TENM3: variants seen among roughly 807,000 people sequenced by gnomAD.
The protein encoded by TENM3 is teneurin-3.
In TENM3, 63 loss-of-function variants were observed where a neutral mutation model predicts 255.1. The ratio of observed to expected loss-of-function variants is 0.25; its 90% confidence interval spans 0.20 to 0.30. TENM3 has a LOEUF of 0.30. TENM3 is among the 10% of genes least tolerant of loss of function. The pLI is 1.00. For missense variants in TENM3, 2,929 were observed against 3,461.1 expected (o/e 0.85, Z 3.86); for synonymous variants, 1,306 against 1,322.3 (o/e 0.99, Z 0.27).
At chr4:182,733,975 G>A (rs771009360) in intron 16 of TENM3, among the ~76,000 whole-genome samples, 53 of 152,116 alleles carry the variant, frequency 3.5e-4, no homozygotes, top group African/African-American at 1.2e-3. Flanking sequence ...TTCTCCATTC[G>A]TTCATTCATT....
the TENM3 span, among the ~76,000 whole-genome samples, chr4:181,655,865 A>G: frequency 6.6e-6 from 1 of 152,224 alleles, no homozygotes; most frequent in Non-Finnish European, 1.5e-5. Context: ...ACTATTAGGG[A>G]CAGATTAGTC....
At chr4:181,783,173 C>G in the TENM3 span, among the ~76,000 whole-genome samples, 1 of 151,994 alleles carries the variant, frequency 6.6e-6, no homozygotes. Flanking sequence ...TCCTGGATAT[C>G]CTTGTTAAGT....
chr4:181,715,401 C>T, the TENM3 span, among the ~76,000 whole-genome samples: 3 of 152,128 alleles, frequency 2.0e-5, no homozygotes, highest in African/African-American at 4.8e-5. Context: ...GGGATACATT[C>T]CTCAAACTGG....
chr4:182,315,295 T>G (rs1289605835), intron 1 of TENM3, among the ~76,000 whole-genome samples: 1 of 152,228 alleles, frequency 6.6e-6, no homozygotes, highest in Admixed American at 6.5e-5. Context: ...AGGGCTTCCT[T>G]TACATTTTTT....
chr4:182,277,940 G>T (rs531661904), intron 1 of TENM3, among the ~76,000 whole-genome samples: 3 of 152,172 alleles, frequency 2.0e-5, no homozygotes, highest in Non-Finnish European at 4.4e-5. Flanking sequence ...GTTAGCTGGT[G>T]GGACCCACTC....
chr4:182,114,864 T>A, the TENM3 span, among the ~76,000 whole-genome samples: 1 of 152,130 alleles, frequency 6.6e-6, no homozygotes, highest in East Asian at 1.9e-4. Flanking sequence ...TTTTATTTTT[T>A]AAAATAGGGA....
At chr4:182,634,599 A>G (rs570326864) in intron 5 of TENM3, among the ~76,000 whole-genome samples, 2 of 151,994 alleles carry the variant, frequency 1.3e-5, no homozygotes, top group African/African-American at 4.8e-5. Flanking sequence ...TCTAACCACA[A>G]ATGTTAGGTT....
At chr4:182,297,829 C>T (rs1241593686) in intron 1 of TENM3, among the ~76,000 whole-genome samples, 1 of 152,208 alleles carries the variant, frequency 6.6e-6, no homozygotes, top group Non-Finnish European at 1.5e-5. Context: ...TCCTCTGTCC[C>T]AGGCCTGGGC....
the TENM3 span, among the ~76,000 whole-genome samples, chr4:181,910,084 A>G: frequency 6.6e-6 from 1 of 152,232 alleles, no homozygotes; most frequent in Non-Finnish European, 1.5e-5. Flanking sequence ...CATGTGTAAC[A>G]TAAAGTAATG....
chr4:182,004,881 T>C, the TENM3 span, among the ~76,000 whole-genome samples: 1 of 152,236 alleles, frequency 6.6e-6, no homozygotes, highest in Non-Finnish European at 1.5e-5. Flanking sequence ...TTTTGAGAAG[T>C]GTCTCTTCAT....
At chr4:181,448,195 C>T in the TENM3 span, among the ~76,000 whole-genome samples, 2 of 104,846 alleles carry the variant, frequency 1.9e-5, no homozygotes, top group Admixed American at 2.6e-4. Context: ...GAGACGGAGT[C>T]TCGCTCTGTC....
chr4:181,895,149 A>G, the TENM3 span, among the ~76,000 whole-genome samples: 1 of 152,172 alleles, frequency 6.6e-6, no homozygotes, highest in Non-Finnish European at 1.5e-5. Flanking sequence ...ACATTAACAT[A>G]CGCTGTTAAA....
the TENM3 span, among the ~76,000 whole-genome samples, chr4:181,936,229 TA>T: frequency 6.6e-6 from 1 of 151,918 alleles, no homozygotes; most frequent in Non-Finnish European, 1.5e-5. Flanking sequence ...CCGTCTCTAC[TA>T]AAAATACAAA....
the TENM3 span, among the ~76,000 whole-genome samples, chr4:181,471,589 A>G: frequency 6.6e-6 from 1 of 152,268 alleles, no homozygotes; most frequent in Non-Finnish European, 1.5e-5. Context: ...CAAGTCTTGG[A>G]TGCTCCTTTT....
At chr4:181,777,931 A>T in the TENM3 span, among the ~76,000 whole-genome samples, 5 of 152,088 alleles carry the variant, frequency 3.3e-5, no homozygotes, top group Non-Finnish European at 7.3e-5. Context: ...AAATACAGCT[A>T]GTTTGAGACA....
intron 3 of TENM3, among the ~76,000 whole-genome samples, chr4:182,564,872 G>A (rs2151988475): frequency 6.6e-6 from 1 of 152,220 alleles, no homozygotes; most frequent in Admixed American, 6.5e-5. Context: ...AAATATACAA[G>A]TTTATTCCCC....
chr4:181,833,889 C>T, the TENM3 span, among the ~76,000 whole-genome samples: 2 of 152,168 alleles, frequency 1.3e-5, 1 homozygote, highest in African/African-American at 4.8e-5. Context: ...TGGTTCCTAA[C>T]ACAGCACCTG....
At chr4:182,747,680 G>A (rs1042885155) in intron 19 of TENM3, among the ~76,000 whole-genome samples, 1 of 152,160 alleles carries the variant, frequency 6.6e-6, no homozygotes, top group South Asian at 2.1e-4. Flanking sequence ...AATCAACTTT[G>A]TGAATTTTAT....
chr4:181,821,542 A>G, the TENM3 span: 1 of 152,244 alleles, frequency 6.6e-6, no homozygotes, highest in Admixed American at 6.5e-5. Context: ...CATTTGTGGA[A>G]TATATGAACT....
Sources: allele counts gnomAD v4.1 joint callset (sites outside exome capture counted in the v4.1 genomes callset), GRCh38; gene constraint gnomAD v4.1.1; transcripts MANE v1.5; gene names NCBI Gene and HGNC (gene_info 2026-07-23, HGNC 2026-07-21).